Variants in ALK observed in about 807,000 individuals in gnomAD.
ALK encodes the protein ALK receptor tyrosine kinase.
In ALK, 74 loss-of-function variants were observed where a neutral mutation model predicts 163.1. That is an observed-to-expected ratio of 0.45 (90% CI 0.38 to 0.55). The LOEUF (loss-of-function observed/expected upper bound fraction) is 0.55. ALK is among the 20% of genes least tolerant of loss of function. The probability of loss-of-function intolerance (pLI) is 0.00; values close to 1 mark genes in which losing one functional copy is unlikely to be tolerated. For synonymous variants in ALK, 960 were observed against 843.2 expected (o/e 1.14, Z -2.40); for missense variants, 2,063 against 2,105.3 (o/e 0.98, Z 0.39).
chr2:29,274,734 C>A lies in ALK; in HGVS notation c.2041+365G>T, dbSNP rs17007774. On this transcript the variant is annotated intron_variant, in intron 11 of 28. Transcript: ENST00000389048. ...ACAGATAACCTTGGCCAGGCCCAGC[C>A]CTCTTTATAAGGAGGAGAAATCTTA... Among the ~76,000 whole-genome samples, 832 of 152,294 alleles carry A rather than the reference C, an allele frequency of 5.5e-3. 8 individuals carry two copies. Among genetic ancestry groups the A allele is most frequent in the African/African-American group, 0.019 (788 of 41,550 alleles).
chr2:29,560,551 T>C (rs1287209043), intron 3 of ALK, among the ~76,000 whole-genome samples: 1 of 152,026 alleles, frequency 6.6e-6, no homozygotes, highest in Non-Finnish European at 1.5e-5. Context: ...TTTTCTCTTC[T>C]CCTTCTTTTC....
intron 1 of ALK, among the ~76,000 whole-genome samples, chr2:29,784,365 T>C (rs1374060988): frequency 1.3e-5 from 2 of 152,190 alleles, no homozygotes; most frequent in African/African-American, 2.4e-5. Flanking sequence ...AACACATCTG[T>C]CTCATAGGTG....
chr2:29,214,316 T>C lies in ALK; in HGVS notation c.3646-235A>G, dbSNP rs1630306. Among the ~76,000 whole-genome samples, 78,662 of 151,990 alleles carry C rather than the reference T, an allele frequency of 0.52. 21,186 individuals carry two copies. Among genetic ancestry groups the C allele is most frequent in the East Asian group, 0.89 (4,619 of 5,168 alleles). On this transcript the variant is annotated intron_variant, in intron 23 of 28. Coordinates refer to ENST00000389048, the MANE Select transcript of ALK (RefSeq NM_004304.5). ...GCATAGTATTTGTACATTTGAAGTCTTCCCAGGTAATATGATGCCAGCGTG... is the reference window on the plus strand; with the variant it reads ...GCATAGTATTTGTACATTTGAAGTCCTCCCAGGTAATATGATGCCAGCGTG...
At chr2:29,847,776 T>C (rs1284187160) in intron 1 of ALK, among the ~76,000 whole-genome samples, 1 of 151,292 alleles carries the variant, frequency 6.6e-6, no homozygotes, top group Non-Finnish European at 1.5e-5. Flanking sequence ...GATGAAAACA[T>C]TGGCAGGGGA....
intron 1 of ALK, among the ~76,000 whole-genome samples, chr2:29,731,717 C>A (rs753279925): frequency 6.6e-6 from 1 of 152,104 alleles, no homozygotes; most frequent in Non-Finnish European, 1.5e-5. Context: ...CAAATGTAAA[C>A]CAAAGATATA....
chr2:29,794,587 G>A (rs1254679109), intron 1 of ALK, among the ~76,000 whole-genome samples: 3 of 152,030 alleles, frequency 2.0e-5, no homozygotes, highest in East Asian at 1.9e-4. Flanking sequence ...TTCCCTTCAC[G>A]TGAACACTTA....
rs538789653 is a variant in ALK at position 29,825,539 on chromosome 2, G to A, written c.667+94454C>T. The stretch of plus-strand genomic sequence containing the variant: ...AACAGGGCTAGGCCATAGCATGCAA[G>A]GCAGGGAATACTGGCAGGTGAAGCT... On this transcript the variant is annotated intron_variant, in intron 1 of 28. Coordinates refer to ENST00000389048, the MANE Select transcript of ALK (RefSeq NM_004304.5). 7.9e-5 allele frequency among the ~76,000 whole-genome samples: 12 copies of A among 152,314 alleles called. No homozygotes were observed. In the South Asian group the frequency reaches 1.9e-3, roughly 24 times the overall value.
intron 3 of ALK, among the ~76,000 whole-genome samples, chr2:29,667,015 G>A (rs776554729): frequency 6.6e-6 from 1 of 152,046 alleles, no homozygotes; most frequent in Non-Finnish European, 1.5e-5. Context: ...GCAAATGGCA[G>A]GATTTTATTC....
intron 3 of ALK, among the ~76,000 whole-genome samples, chr2:29,572,772 A>G (rs1249879407): frequency 1.3e-5 from 2 of 152,056 alleles, no homozygotes; most frequent in African/African-American, 4.8e-5. Context: ...ACTTCTCTCA[A>G]ATATTTTGTC....
At chr2:29,720,942 G>A (rs1005243511) in intron 1 of ALK, among the ~76,000 whole-genome samples, 5 of 152,268 alleles carry the variant, frequency 3.3e-5, no homozygotes, top group South Asian at 2.1e-4. Flanking sequence ...AGACCAACTG[G>A]CTCAAGTAGA....
intron 1 of ALK, among the ~76,000 whole-genome samples, chr2:29,844,650 T>G (rs977861491): frequency 5.3e-5 from 8 of 152,164 alleles, no homozygotes; most frequent in African/African-American, 9.7e-5. Flanking sequence ...GGGAGGAGAC[T>G]GGAGACTGGA....
chr2:29,668,676 T>C (rs567517635), intron 3 of ALK, among the ~76,000 whole-genome samples: 1 of 152,264 alleles, frequency 6.6e-6, no homozygotes, highest in Admixed American at 6.5e-5. Flanking sequence ...TATGATCTAT[T>C]CTGGAGAATA....
chr2:29,433,404 A>G (rs570936960), intron 4 of ALK, among the ~76,000 whole-genome samples: 5 of 152,344 alleles, frequency 3.3e-5, no homozygotes, highest in African/African-American at 1.2e-4. Context: ...AGGAGGAAAC[A>G]TGAGGCCATT....
At chr2:29,862,099 A>G (rs1038402804) in intron 1 of ALK, among the ~76,000 whole-genome samples, 1 of 56,886 alleles carries the variant, frequency 1.8e-5, no homozygotes, top group African/African-American at 5.4e-5. Context: ...AAAAATCCTC[A>G]GCAAATTATA....
chr2:29,722,359 AC>A (rs1312085256), intron 1 of ALK, among the ~76,000 whole-genome samples: 9 of 152,216 alleles, frequency 5.9e-5, no homozygotes, highest in Admixed American at 4.6e-4. Context: ...TAACTTGTTT[AC>A]CCATGCTCAC....
At chr2:29,806,712 A>C (rs1021619511) in intron 1 of ALK, among the ~76,000 whole-genome samples, 7 of 152,196 alleles carry the variant, frequency 4.6e-5, no homozygotes, top group African/African-American at 1.7e-4. Context: ...AGTTGGTGAC[A>C]CCATGAGGAA....
chr2:29,567,419 A>G (rs935422011), intron 3 of ALK, among the ~76,000 whole-genome samples: 1 of 152,228 alleles, frequency 6.6e-6, no homozygotes, highest in African/African-American at 2.4e-5. Context: ...GGTCAAGTCC[A>G]TATTCTCCAC....
intron 3 of ALK, among the ~76,000 whole-genome samples, chr2:29,669,078 TG>T (rs1479416188): frequency 6.6e-6 from 1 of 151,952 alleles, no homozygotes; most frequent in Non-Finnish European, 1.5e-5. Context: ...TCAGCAAAGA[TG>T]GGTGAAATGT....
At chr2:29,572,980 C>T (rs1164242440) in intron 3 of ALK, among the ~76,000 whole-genome samples, 1 of 152,232 alleles carries the variant, frequency 6.6e-6, no homozygotes, top group African/African-American at 2.4e-5. Context: ...CCTCCTCAGG[C>T]CCTGGCTTCT....
Sources: gnomAD v4.1 joint callset for allele counts (sites outside exome capture counted in the v4.1 genomes callset) on GRCh38, gnomAD v4.1.1 for gene constraint, MANE v1.5 for transcripts, NCBI Gene and HGNC (gene_info 2026-07-23, HGNC 2026-07-21) for gene names.